Variants in GIGYF2 observed in about 807,000 individuals in gnomAD.
GIGYF2 encodes the protein GRB10 interacting GYF protein 2, also known as GRB10-interacting GYF protein 2.
GIGYF2 carries 25 observed loss-of-function variants against 208.1 expected under a neutral mutation model. The ratio of observed to expected loss-of-function variants is 0.12; its 90% CI spans 0.09 to 0.17. The LOEUF (loss-of-function observed/expected upper bound fraction) is 0.17. Ranked by LOEUF, GIGYF2 falls within the 10% of genes least tolerant of loss-of-function variation. The pLI, the probability that GIGYF2 is intolerant of heterozygous loss-of-function variation, is 1.00. For synonymous variants in GIGYF2, 534 were observed against 543.8 expected (o/e 0.98, Z 0.25); for missense variants, 1,302 against 1,579.4 (o/e 0.82, Z 2.98).
At chr2:232,834,832 A>AT (rs35589430) in intron 22 of GIGYF2, among the ~76,000 whole-genome samples, 36 of 151,138 alleles carry the variant, frequency 2.4e-4, no homozygotes, top group South Asian at 4.2e-4. Context: ...ACCTCTAGTG[A>AT]TTTTTTTTTT....
At chr2:232,789,683 A>G (rs1433450526) in intron 9 of GIGYF2, among the ~76,000 whole-genome samples, 1 of 152,108 alleles carries the variant, frequency 6.6e-6, no homozygotes, top group Non-Finnish European at 1.5e-5. Context: ...TTGTCTCAAT[A>G]GTGAGAACAT....
intron 8 of GIGYF2, among the ~76,000 whole-genome samples, chr2:232,786,678 G>T (rs1699917325): frequency 6.6e-6 from 1 of 152,186 alleles, no homozygotes; most frequent in South Asian, 2.1e-4. Flanking sequence ...AAAAGTATGT[G>T]CTAGTAAGGA....
chr2:232,728,926 C>CTTTCCT (rs570054752), intron 2 of GIGYF2, among the ~76,000 whole-genome samples: 15 of 151,324 alleles, frequency 9.9e-5, no homozygotes, highest in Middle Eastern at 3.4e-3. Flanking sequence ...ACTCAGAGAC[C>CTTTCCT]TTTCCTTTTC....
chr2:232,849,705 A>G (rs965048702), intron 27 of GIGYF2, among the ~76,000 whole-genome samples: 6 of 152,228 alleles, frequency 3.9e-5, no homozygotes, highest in Non-Finnish European at 8.8e-5. Flanking sequence ...AAGAGCCACA[A>G]GTAGGCGTGA....
intron 21 of GIGYF2, among the ~76,000 whole-genome samples, chr2:232,820,725 A>G (rs1449582271): frequency 6.6e-6 from 1 of 152,142 alleles, no homozygotes; most frequent in Non-Finnish European, 1.5e-5. Flanking sequence ...CATTTATTAA[A>G]GAGACTGTTC....
At chr2:232,746,912 TTTGCAGATA>T (rs1341719067) in intron 3 of GIGYF2, among the ~76,000 whole-genome samples, 1 of 152,206 alleles carries the variant, frequency 6.6e-6, no homozygotes, top group Non-Finnish European at 1.5e-5. Flanking sequence ...ATCTTAATCT[TTTGCAGATA>T]TAACCTTATT....
chr2:232,713,304 CT>C (rs1370926864), intron 2 of GIGYF2, among the ~76,000 whole-genome samples: 3 of 152,150 alleles, frequency 2.0e-5, no homozygotes, highest in Non-Finnish European at 4.4e-5. Flanking sequence ...TCTTGAACTC[CT>C]GACCTCAAGT....
intron 18 of GIGYF2, 118 bp downstream of exon 18, chr2:232,812,609 A>C: frequency 1.5e-6 from 1 of 652,612 alleles, no homozygotes; most frequent in Non-Finnish European, 2.8e-6. Flanking sequence ...ATTTGATATT[A>C]ACAAAAGGTC....
At chr2:232,697,974 C>G (rs1355262415) in intron 1 of GIGYF2, among the ~76,000 whole-genome samples, 3 of 152,146 alleles carry the variant, frequency 2.0e-5, no homozygotes, top group Non-Finnish European at 4.4e-5. Context: ...AGGCCTGAGG[C>G]GAGGTGCAGC....
Position 232,816,165 on chromosome 2 carries a change from G to A in GIGYF2, c.2208+428G>A, listed in dbSNP as rs113729915. Among the ~76,000 whole-genome samples, 434 of 152,284 alleles carry A rather than the reference G, an allele frequency of 2.8e-3. 1 individual carries two copies. Among genetic ancestry groups the A allele is most frequent in the African/African-American group, 9.8e-3 (408 of 41,570 alleles). Reference sequence around the variant, plus strand: ...CTCAGACGTAGCAGCCAAAAAGCCCGACATTAACATTAGATTGTGTGTTCC... The same window carrying A: ...CTCAGACGTAGCAGCCAAAAAGCCCAACATTAACATTAGATTGTGTGTTCC... On this transcript the variant is annotated intron_variant, in intron 19 of 28. Coordinates refer to ENST00000373563, the MANE Select transcript of GIGYF2 (RefSeq NM_001103146.3).
chr2:232,735,333 T>G, intron 3 of GIGYF2, 95 bp downstream of exon 3: 1 of 853,600 alleles, frequency 1.2e-6, no homozygotes, highest in South Asian at 1.5e-5. Flanking sequence ...ATGTGCATGT[T>G]TTTGAAACTT....
chr2:232,739,374 C>A (rs568386414), intron 3 of GIGYF2, among the ~76,000 whole-genome samples: 1 of 109,810 alleles, frequency 9.1e-6, no homozygotes, highest in Non-Finnish European at 1.9e-5. Flanking sequence ...CCCCCCCCCC[C>A]GCAAAAAAAA....
intron 23 of GIGYF2, 68 bp from the exon 24 acceptor site, chr2:232,843,978 A>T: frequency 7.2e-7 from 1 of 1,392,330 alleles, no homozygotes; most frequent in Non-Finnish European, 1.0e-6. Context: ...TCCATTTAGT[A>T]TACTGGATAT....
At chr2:232,801,379 G>A (rs948513162) in intron 14 of GIGYF2, among the ~76,000 whole-genome samples, 2 of 152,082 alleles carry the variant, frequency 1.3e-5, no homozygotes, top group East Asian at 1.9e-4. Context: ...TAATAAAAAA[G>A]CCAGGCATGG....
intron 2 of GIGYF2, chr2:232,730,123 C>T (rs543859650): frequency 2.6e-5 from 38 of 1,484,312 alleles, no homozygotes; most frequent in Admixed American, 6.7e-5. Context: ...ACATACCCCT[C>T]GATGTAGCTC....
At chr2:232,761,893 C>T (rs80008050) in intron 8 of GIGYF2, among the ~76,000 whole-genome samples, 3,437 of 144,396 alleles carry the variant, frequency 0.024, 146 homozygotes, top group African/African-American at 0.083. Flanking sequence ...AAAAAAATAA[C>T]TCAGATAAAT....
At chr2:232,763,233 A>G (rs879057238) in intron 8 of GIGYF2, among the ~76,000 whole-genome samples, 3 of 150,870 alleles carry the variant, frequency 2.0e-5, no homozygotes, top group Non-Finnish European at 2.9e-5. Flanking sequence ...AGGATTTGCA[A>G]TCAGAAGATC....
chr2:232,784,196 A>G (rs1699819248), intron 8 of GIGYF2, among the ~76,000 whole-genome samples: 1 of 152,162 alleles, frequency 6.6e-6, no homozygotes. Context: ...TAAATTATAC[A>G]GAAGTGCCCT....
intron 1 of GIGYF2, among the ~76,000 whole-genome samples, chr2:232,701,869 A>G (rs1468770656): frequency 2.6e-5 from 4 of 152,166 alleles, no homozygotes; most frequent in African/African-American, 7.2e-5. Flanking sequence ...GAAGAAATGG[A>G]TAATAAACTC....
Sources: gnomAD v4.1 joint callset for allele counts (sites outside exome capture counted in the v4.1 genomes callset) on GRCh38, gnomAD v4.1.1 for gene constraint, MANE v1.5 for transcripts, NCBI Gene and HGNC (gene_info 2026-07-23, HGNC 2026-07-21) for gene names.